The following GPLD1 variants were observed in gnomAD, a reference collection of about 807,000 sequenced individuals.
GPLD1 encodes phosphatidylinositol-glycan-specific phospholipase D.
Under a neutral mutation model 112.6 loss-of-function variants are expected in GPLD1, and 84 were observed. The ratio of observed to expected loss-of-function variants is 0.75; its 90% CI spans 0.63 to 0.89. The LOEUF is 0.89. Ranked by LOEUF, GPLD1 falls within the 40% of genes least tolerant of loss-of-function variation. The pLI is 0.00. For synonymous variants in GPLD1, 386 were observed against 403.8 expected (o/e 0.96, Z 0.53); for missense variants, 1,044 against 1,051.5 (o/e 0.99, Z 0.10).
rs1335627933 is a variant in GPLD1, at chr6:24,426,410, T to C, written c.*2622A>G. ...ATACGTGCCATATCAGTTGACCTTTTACAGTAGGAGTATAATTTACATTGT... is the reference window on the plus strand; with the variant it reads ...ATACGTGCCATATCAGTTGACCTTTCACAGTAGGAGTATAATTTACATTGT... On this transcript the variant is annotated 3_prime_UTR_variant, in exon 25 of 25. Transcript: ENST00000230036. 6.6e-5 allele frequency among the ~76,000 whole-genome samples: 10 copies of C among 152,344 alleles called. No individual in the cohort carries two copies. The South Asian group carries it at 1.7e-3, about 25-fold the overall frequency.
chr6:24,495,286 A>T (rs1479579407), upstream of GPLD1: 1 of 1,532,698 alleles, frequency 6.5e-7, no homozygotes, highest in Admixed American at 2.0e-5. Flanking sequence ...GGGGTGCGAG[A>T]GGCCCGCGCC....
chr6:24,493,344 C>G (rs549955271), upstream of GPLD1, among the ~76,000 whole-genome samples: 2 of 152,260 alleles, frequency 1.3e-5, no homozygotes, highest in Non-Finnish European at 2.9e-5. Flanking sequence ...GGCTTGGTGG[C>G]ACACACCTGT....
upstream of GPLD1, among the ~76,000 whole-genome samples, chr6:24,492,781 G>A (rs535322669): frequency 6.6e-6 from 1 of 152,192 alleles, no homozygotes; most frequent in Admixed American, 6.5e-5. Context: ...CTTGAAGAGG[G>A]GCACAAAACT....
chr6:24,477,932 T>A (rs1171654057), intron 3 of GPLD1, among the ~76,000 whole-genome samples: 1 of 152,158 alleles, frequency 6.6e-6, no homozygotes, highest in Non-Finnish European at 1.5e-5. Context: ...TAAGTGGAAT[T>A]TGTATGCAAA....
intron 22 of GPLD1, among the ~76,000 whole-genome samples, chr6:24,434,115 C>G (rs760289586): frequency 1.3e-5 from 2 of 151,846 alleles, no homozygotes; most frequent in Admixed American, 1.3e-4. Context: ...AATCAAGTTA[C>G]GGCCAGGCAC....
intron 12 of GPLD1, among the ~76,000 whole-genome samples, chr6:24,457,954 C>T (rs1763320695): frequency 6.6e-6 from 1 of 151,848 alleles, no homozygotes; most frequent in Non-Finnish European, 1.5e-5. Context: ...CGAGAGGTCA[C>T]ATGCAGAATG....
chr6:24,461,211 T>C (rs1763422542), intron 11 of GPLD1, among the ~76,000 whole-genome samples: 2 of 152,002 alleles, frequency 1.3e-5, no homozygotes. Context: ...GACGGGGCCC[T>C]GGGCATGACA....
intron 6 of GPLD1, 65 bp from the exon 7 acceptor site, chr6:24,472,701 A>G: frequency 1.2e-6 from 1 of 858,634 alleles, no homozygotes; most frequent in African/African-American, 1.7e-5. Context: ...CATCTATTCA[A>G]CATGAGGTCT....
chr6:24,446,431 G>C (rs113206176), intron 18 of GPLD1, among the ~76,000 whole-genome samples: 4 of 151,718 alleles, frequency 2.6e-5, no homozygotes, highest in Non-Finnish European at 5.9e-5. Context: ...GGACGAGTTC[G>C]AGCCTGCAGT....
chr6:24,485,011 G>A lies in GPLD1; in HGVS notation c.153+1064C>T, dbSNP rs150976523. On this transcript the variant is annotated intron_variant, in intron 2 of 24. Coordinates refer to ENST00000230036, the MANE Select transcript of GPLD1 (RefSeq NM_001503.4). ...GTATTATTTAGCCATAGAACAAATAGTGCATATGATCAGAATGTGTTCATT... is the reference window on the plus strand; with the variant it reads ...GTATTATTTAGCCATAGAACAAATAATGCATATGATCAGAATGTGTTCATT... Among the ~76,000 whole-genome samples, 833 of 152,314 alleles carry A rather than the reference G, an allele frequency of 5.5e-3. 5 individuals carry two copies. The highest frequency in any genetic ancestry group is 0.029 in the South Asian group (141 of 4,824).
At chr6:24,437,811 C>T (rs963473937) in intron 20 of GPLD1, among the ~76,000 whole-genome samples, 1 of 152,228 alleles carries the variant, frequency 6.6e-6, no homozygotes, top group Admixed American at 6.5e-5. Flanking sequence ...GCGTGCTCCC[C>T]TGTCCACATC....
chr6:24,457,442 T>C (rs915758790), intron 12 of GPLD1, among the ~76,000 whole-genome samples: 14 of 151,958 alleles, frequency 9.2e-5, no homozygotes, highest in Non-Finnish European at 1.6e-4. Context: ...GATCTCACCA[T>C]TGCACTCCAG....
chr6:24,456,549 G>A lies in GPLD1; in HGVS notation c.1097C>T (p.Ser366Phe), dbSNP rs755888768. The A allele has an allele frequency of 6.5e-5, 105 of 1,610,322 alleles. No individual in the cohort carries two copies. The highest frequency in any genetic ancestry group is 8.6e-5 in the Non-Finnish European group (101 of 1,176,684). ...GGSQLSQKHV[S>F]SPLASYFLSF... The stretch of plus-strand genomic sequence containing the variant: ...CAAGAAGTAAGATGCTAAGGGGCTG[G>A]AGACGTGCTTTTGTGACAACTGAGA... The change falls in exon 13 of 25, where the codon TCC becomes TTC. Residue 366 changes from serine to phenylalanine, a missense_variant. Ser to Phe is a radical substitution (Grantham distance 155). Coordinates refer to ENST00000230036, the MANE Select transcript of GPLD1 (RefSeq NM_001503.4).
chr6:24,465,209 A>AAAAGAAAAGAAAAG (rs1554132345), intron 10 of GPLD1, among the ~76,000 whole-genome samples: 18 of 107,276 alleles, frequency 1.7e-4, no homozygotes, highest in African/African-American at 7.3e-4. Context: ...AAAAAAAAAA[A>AAAAGAAAAGAAAAG]AAAAGAAAAG....
At chr6:24,441,041 G>C (rs868444617) in intron 20 of GPLD1, among the ~76,000 whole-genome samples, 15 of 152,212 alleles carry the variant, frequency 9.9e-5, no homozygotes, top group South Asian at 8.3e-4. Context: ...AGTGGCTCAC[G>C]CCTGTAATCC....
chr6:24,457,305 C>G (rs537168430), intron 12 of GPLD1, among the ~76,000 whole-genome samples: 1 of 151,966 alleles, frequency 6.6e-6, no homozygotes, highest in African/African-American at 2.4e-5. Flanking sequence ...CATGGAGAAA[C>G]CCCATCTCAA....
intron 24 of GPLD1, among the ~76,000 whole-genome samples, chr6:24,429,613 T>C (rs1055892624): frequency 3.9e-5 from 6 of 152,240 alleles, no homozygotes; most frequent in Non-Finnish European, 1.5e-5. Context: ...AGTGATGTGA[T>C]CTCAGCTCAC....
Position 24,482,622 on chromosome 6 carries a change from G to C in GPLD1, c.154-2663C>G, listed in dbSNP as rs376614527. On this transcript the variant is annotated intron_variant, in intron 2 of 24. Transcript: ENST00000230036. ...AGTAGAGACAAGGTTTTGCCATGTT[G>C]GCCAGGCTGGTCTTGAACTCCCGAC... Among the ~76,000 whole-genome samples the C allele has an allele frequency of 3.1e-3, 471 of 152,256 alleles. 3 individuals are homozygous for C. Among genetic ancestry groups the C allele is most frequent in the Middle Eastern group, 0.02 (6 of 294 alleles).
chr6:24,471,679 C>T (rs565903133), intron 7 of GPLD1, among the ~76,000 whole-genome samples: 1 of 152,214 alleles, frequency 6.6e-6, no homozygotes, highest in South Asian at 2.1e-4. Context: ...TTTAGAAGTC[C>T]ATGTAAGAGA....
Sources: allele counts gnomAD v4.1 joint callset (sites outside exome capture counted in the v4.1 genomes callset), GRCh38; gene constraint gnomAD v4.1.1; transcripts MANE v1.5; gene names NCBI Gene and HGNC (gene_info 2026-07-23, HGNC 2026-07-21).